The following IL1RAPL1 variants were observed in gnomAD, a reference collection of about 807,000 sequenced individuals.
IL1RAPL1 encodes interleukin 1 receptor accessory protein like 1.
IL1RAPL1 carries 3 observed loss-of-function variants against 48.4 expected under a neutral mutation model. That is an observed-to-expected ratio of 0.06 (90% CI 0.03 to 0.16). The LOEUF is 0.16. Ranked by LOEUF, IL1RAPL1 falls within the 10% of genes least tolerant of loss-of-function variation. The pLI is 1.00. For synonymous variants in IL1RAPL1, 185 were observed against 187.7 expected, an observed-to-expected ratio of 0.99 and a Z score of 0.12; for missense variants, 349 against 530.6, an observed-to-expected ratio of 0.66 and a Z score of 3.36.
intron 3 of IL1RAPL1, among the ~76,000 whole-genome samples, chrX:29,326,529 T>C (rs1388110005): frequency 8.9e-6 from 1 of 112,401 alleles, no homozygotes; most frequent in Non-Finnish European, 1.9e-5. Context: ...CTTTTAATAA[T>C]ACCTGAAAAA....
intron 6 of IL1RAPL1, among the ~76,000 whole-genome samples, chrX:29,905,953 T>C (rs150887801): frequency 9.0e-6 from 1 of 111,086 alleles, no homozygotes; most frequent in African/African-American, 3.3e-5. Context: ...GGAGACAAAA[T>C]TGTTTTTTTC....
chrX:28,601,974 G>A lies in IL1RAPL1; in HGVS notation c.-25+13927G>A, dbSNP rs5985879. On this transcript the variant is annotated intron_variant, in intron 1 of 10. Coordinates refer to ENST00000378993, the MANE Select transcript of IL1RAPL1 (RefSeq NM_014271.4). ...ATAAAAATTAGCCAGACGTGGTGGC[G>A]CACGCCTGTAATCCCAGCTACTTGG... Among the ~76,000 whole-genome samples the A allele has an allele frequency of 7.0e-3, 766 of 108,867 alleles. 7 individuals carry two copies. Among genetic ancestry groups the A allele is most frequent in the African/African-American group, 0.022 (647 of 29,896 alleles). The allele number at this position is 108,867 out of a possible 115,157, so 94.5% of individuals were successfully genotyped here. A position where few individuals can be genotyped will look rare whatever the true frequency, so the allele number is the denominator to read the frequency against.
At chrX:29,517,023 A>G (rs1395514899) in intron 5 of IL1RAPL1, among the ~76,000 whole-genome samples, 1 of 111,336 alleles carries the variant, frequency 9.0e-6, no homozygotes, top group Non-Finnish European at 1.9e-5. Flanking sequence ...TTTGACAGTA[A>G]TACATATTGC....
chrX:28,734,612 A>G (rs1259058275), intron 1 of IL1RAPL1, among the ~76,000 whole-genome samples: 1 of 107,100 alleles, frequency 9.3e-6, no homozygotes, highest in Non-Finnish European at 1.9e-5. Flanking sequence ...CTAACTCCTG[A>G]CTGTCACCTC....
chrX:29,852,329 A>G (rs947427264), intron 6 of IL1RAPL1, among the ~76,000 whole-genome samples: 1 of 110,569 alleles, frequency 9.0e-6, no homozygotes, highest in Non-Finnish European at 1.9e-5. Context: ...ATTAGAAGAG[A>G]AAAAAAAAGT....
At chrX:29,791,006 A>T (rs766649323) in intron 6 of IL1RAPL1, among the ~76,000 whole-genome samples, 26 of 108,341 alleles carry the variant, frequency 2.4e-4, no homozygotes, top group Non-Finnish European at 4.2e-4. Context: ...TGGAACCTTG[A>T]CTCTTGGTCA....
rs764062431 is a variant in IL1RAPL1 at position 29,315,701 on chromosome X, AG to A, written c.362+32486del. Among the ~76,000 whole-genome samples the A allele has an allele frequency of 5.9e-4, 66 of 111,865 alleles. 1 individual carries two copies. The highest frequency in any genetic ancestry group is 2.1e-3 in the African/African-American group (65 of 30,842). On this transcript the variant is annotated intron_variant, in intron 3 of 10. Coordinates refer to ENST00000378993, the MANE Select transcript of IL1RAPL1 (RefSeq NM_014271.4). ...ACAAGGAGTCAGTAGAGGTTACAGA[AG>A]GTAATTTTAGCAGCAGTGAGAGGTT...
intron 6 of IL1RAPL1, among the ~76,000 whole-genome samples, chrX:29,702,037 C>CTGTG (rs1177307127): frequency 9.0e-6 from 1 of 111,200 alleles, no homozygotes; most frequent in Non-Finnish European, 1.9e-5. Context: ...GGCGGATCAC[C>CTGTG]TGTGGTCAGG....
intron 2 of IL1RAPL1, among the ~76,000 whole-genome samples, chrX:28,896,469 G>A (rs1417605228): frequency 1.8e-5 from 2 of 111,234 alleles, no homozygotes; most frequent in African/African-American, 6.6e-5. Flanking sequence ...GGGAGAGGTC[G>A]GATAAAGAAA....
intron 5 of IL1RAPL1, among the ~76,000 whole-genome samples, chrX:29,644,644 G>A (rs1925270345): frequency 9.1e-6 from 1 of 110,158 alleles, no homozygotes; most frequent in East Asian, 2.8e-4. Flanking sequence ...TCGGTTCACT[G>A]CAACCTCCGC....
chrX:29,769,245 C>A (rs1191270025), intron 6 of IL1RAPL1, among the ~76,000 whole-genome samples: 2 of 110,160 alleles, frequency 1.8e-5, no homozygotes, highest in Non-Finnish European at 3.8e-5. Flanking sequence ...TTATATTCCA[C>A]ATTTTATTTA....
At chrX:28,780,327 G>GTA in intron 1 of IL1RAPL1, among the ~76,000 whole-genome samples, 1 of 77,365 alleles carries the variant, frequency 1.3e-5, no homozygotes, top group East Asian at 4.6e-4. Flanking sequence ...CACAGTGTGT[G>GTA]TGTGTATGTG....
chrX:28,645,237 C>T (rs1265407186), intron 1 of IL1RAPL1, among the ~76,000 whole-genome samples: 1 of 104,056 alleles, frequency 9.6e-6, no homozygotes, highest in East Asian at 3.1e-4. Context: ...ATCCCAGCTA[C>T]TCGGGAGGCT....
chrX:29,248,071 G>A (rs1294606187), intron 2 of IL1RAPL1, among the ~76,000 whole-genome samples: 1 of 111,559 alleles, frequency 9.0e-6, no homozygotes, highest in Non-Finnish European at 1.9e-5. Flanking sequence ...ACAGTTCAAG[G>A]TGTTTCCAAT....
chrX:29,111,011 G>A (rs1195022091), intron 2 of IL1RAPL1, among the ~76,000 whole-genome samples: 1 of 110,599 alleles, frequency 9.0e-6, no homozygotes, highest in African/African-American at 3.3e-5. Flanking sequence ...GAAAAAAAAG[G>A]TATTTTGTTT....
chrX:29,619,340 C>T (rs1924389964), intron 5 of IL1RAPL1, among the ~76,000 whole-genome samples: 1 of 111,379 alleles, frequency 9.0e-6, no homozygotes, highest in Non-Finnish European at 1.9e-5. Flanking sequence ...ATTCTTCACC[C>T]CAACCCCAAT....
intron 5 of IL1RAPL1, among the ~76,000 whole-genome samples, chrX:29,601,524 T>C (rs967241274): frequency 8.9e-6 from 1 of 112,141 alleles, no homozygotes; most frequent in South Asian, 3.8e-4. Context: ...TATAGGGAAA[T>C]TGTGCTGCTG....
At chrX:29,737,844 G>A (rs188117214) in intron 6 of IL1RAPL1, among the ~76,000 whole-genome samples, 55 of 111,859 alleles carry the variant, frequency 4.9e-4, no homozygotes, top group African/African-American at 1.7e-3. Context: ...TTCTTTTATC[G>A]ATTTAAGAAA....
intron 6 of IL1RAPL1, among the ~76,000 whole-genome samples, chrX:29,837,199 C>T (rs1439518749): frequency 1.0e-5 from 1 of 98,404 alleles, no homozygotes; most frequent in Non-Finnish European, 2.0e-5. Flanking sequence ...GGATGGGGAG[C>T]TTGCATTGAG....
Sources: gnomAD v4.1 joint callset for allele counts (sites outside exome capture counted in the v4.1 genomes callset) on GRCh38, gnomAD v4.1.1 for gene constraint, MANE v1.5 for transcripts, NCBI Gene and HGNC (gene_info 2026-07-23, HGNC 2026-07-21) for gene names.